The following CTIF variants were observed in gnomAD, a reference collection of about 807,000 sequenced individuals.
CTIF encodes the protein CBP80/20-dependent translation initiation factor.
A neutral mutation model predicts 66.0 loss-of-function variants in CTIF; 21 were observed. The ratio of observed to expected loss-of-function variants is 0.32; its 90% CI spans 0.23 to 0.46. The LOEUF (loss-of-function observed/expected upper bound fraction) is 0.46, where lower values mean the gene tolerates loss of function less well. Among genes scored for constraint, CTIF ranks in the 20% least tolerant of loss-of-function variants. The probability of loss-of-function intolerance (pLI) is 1.00; values close to 1 mark genes in which losing one functional copy is unlikely to be tolerated. For missense variants in CTIF, 739 were observed against 812.7 expected, an observed-to-expected ratio of 0.91 and a Z score of 1.10; for synonymous variants, 345 against 326.4, an observed-to-expected ratio of 1.06 and a Z score of -0.62.
chr18:48,563,625 C>A (rs2089213360), intron 1 of CTIF, among the ~76,000 whole-genome samples: 1 of 152,240 alleles, frequency 6.6e-6, no homozygotes, highest in Admixed American at 6.5e-5. Flanking sequence ...GTGCACACCA[C>A]CACACCTGGC....
intron 1 of CTIF, among the ~76,000 whole-genome samples, chr18:48,558,631 G>T (rs1418288588): frequency 6.6e-6 from 1 of 152,164 alleles, no homozygotes; most frequent in African/African-American, 2.4e-5. Flanking sequence ...TTTTTGTAAA[G>T]AATCCTTTTT....
At chr18:48,541,479 C>T (rs2088619400) in intron 1 of CTIF, among the ~76,000 whole-genome samples, 1 of 152,246 alleles carries the variant, frequency 6.6e-6, no homozygotes, top group Non-Finnish European at 1.5e-5. Context: ...CTGCCCAGGG[C>T]CCGATCTGGG....
At chr18:48,751,951 TCA>T (rs1907861219) in intron 7 of CTIF, among the ~76,000 whole-genome samples, 1 of 73,208 alleles carries the variant, frequency 1.4e-5, no homozygotes, top group Non-Finnish European at 2.7e-5. Context: ...TATTATTCAT[TCA>T]TTCATTCATT....
intron 6 of CTIF, among the ~76,000 whole-genome samples, chr18:48,690,152 C>G (rs1302119614): frequency 6.6e-6 from 1 of 152,132 alleles, no homozygotes; most frequent in East Asian, 1.9e-4. Context: ...CTCTCTCCCC[C>G]ATCTCCACCC....
intron 9 of CTIF, among the ~76,000 whole-genome samples, chr18:48,807,581 T>TG (rs2068174823): frequency 3.4e-5 from 1 of 29,220 alleles, no homozygotes; most frequent in South Asian, 1.0e-3. Flanking sequence ...TGTTGTTGTG[T>TG]TTTTTTTTTT....
intron 10 of CTIF, among the ~76,000 whole-genome samples, chr18:48,828,382 C>A (rs1407689192): frequency 2.0e-5 from 3 of 152,146 alleles, no homozygotes; most frequent in African/African-American, 7.2e-5. Context: ...ATTAACTAGC[C>A]TTATGAAGGG....
intron 3 of CTIF, among the ~76,000 whole-genome samples, chr18:48,650,428 A>C (rs1278871617): frequency 6.6e-6 from 1 of 152,214 alleles, no homozygotes; most frequent in Admixed American, 6.5e-5. Flanking sequence ...AAGTTTAGAG[A>C]AAAAAGAATA....
chr18:48,592,457 A>G (rs1015971903), intron 1 of CTIF, among the ~76,000 whole-genome samples: 6 of 150,888 alleles, frequency 4.0e-5, no homozygotes, highest in African/African-American at 1.5e-4. Flanking sequence ...AGATTGCGCC[A>G]TTGAACTCCA....
chr18:48,587,144 T>C (rs1599191907), intron 1 of CTIF, among the ~76,000 whole-genome samples: 1 of 151,212 alleles, frequency 6.6e-6, no homozygotes, highest in East Asian at 1.9e-4. Flanking sequence ...TGCCGTGGCA[T>C]GATCTCAGCT....
rs2069470027 is a variant in CTIF, at chr18:48,861,588, C to G, written c.*2029C>G. 1 of 152,222 alleles carries G rather than the reference C, an allele frequency of 6.6e-6. No homozygotes were observed. The highest frequency in any genetic ancestry group is 1.5e-5 in the Non-Finnish European group (1 of 68,190). 9.4% of individuals were successfully genotyped at this position (152,222 alleles called of 1,614,324 possible). A position where few individuals can be genotyped will look rare whatever the true frequency, so the allele number is the denominator to read the frequency against. On this transcript the variant is annotated 3_prime_UTR_variant, in exon 12 of 12. Transcript: ENST00000256413. The stretch of plus-strand genomic sequence containing the variant: ...CCCTGAAGCATGTGGGGTTTGTCCG[C>G]TAGGAGGAGGCAAGGCCCCCGAAGA...
At chr18:48,859,051 G>C (rs1044787948) in intron 11 of CTIF, among the ~76,000 whole-genome samples, 3 of 152,152 alleles carry the variant, frequency 2.0e-5, no homozygotes, top group Non-Finnish European at 4.4e-5. Flanking sequence ...GAGGCTCTTG[G>C]GTAAAAGGGA....
intron 9 of CTIF, among the ~76,000 whole-genome samples, chr18:48,801,204 C>G (rs1447556831): frequency 6.6e-6 from 1 of 152,190 alleles, no homozygotes; most frequent in Non-Finnish European, 1.5e-5. Context: ...TCAGACAGAG[C>G]CCGGTGCAAA....
At chr18:48,763,447 C>T (rs890765464) in intron 9 of CTIF, among the ~76,000 whole-genome samples, 52 of 152,248 alleles carry the variant, frequency 3.4e-4, no homozygotes, top group Non-Finnish European at 7.3e-5. Flanking sequence ...CCTGCACTCA[C>T]CTCTCAATCA....
In CTIF at chr18:48,859,588, G is replaced by A. The variant is rs142559064; in HGVS notation, c.*29G>A. Reference sequence around the variant, plus strand: ...CCAGGGGGCCTGGCAGGCGGCCCACGGGCAGCTGGGGCCCTGGTGCACAGG... The same window carrying A: ...CCAGGGGGCCTGGCAGGCGGCCCACAGGCAGCTGGGGCCCTGGTGCACAGG... On this transcript the variant is annotated 3_prime_UTR_variant, in exon 12 of 12. Coordinates refer to ENST00000256413, the MANE Select transcript of CTIF (RefSeq NM_014772.3). 12,160 of 1,601,930 alleles carry A rather than the reference G, an allele frequency of 7.6e-3. 75 individuals are homozygous for A. Among genetic ancestry groups the A allele is most frequent in the Middle Eastern group, 9.5e-3 (57 of 6,028 alleles).
intron 9 of CTIF, among the ~76,000 whole-genome samples, chr18:48,766,692 A>G (rs1235868600): frequency 6.6e-6 from 1 of 152,216 alleles, no homozygotes; most frequent in East Asian, 1.9e-4. Flanking sequence ...GAACCAGTCA[A>G]GAAATACCTG....
chr18:48,788,766 G>A (rs2067730829), intron 9 of CTIF, among the ~76,000 whole-genome samples: 1 of 152,148 alleles, frequency 6.6e-6, no homozygotes, highest in Non-Finnish European at 1.5e-5. Flanking sequence ...CCCTTGGGGA[G>A]GTCACTACAG....
intron 1 of CTIF, among the ~76,000 whole-genome samples, chr18:48,572,170 C>T (rs1233146727): frequency 6.6e-6 from 1 of 151,996 alleles, no homozygotes; most frequent in Admixed American, 6.6e-5. Context: ...CTTGAAACCT[C>T]AGTCTTTGCT....
intron 3 of CTIF, among the ~76,000 whole-genome samples, chr18:48,642,171 G>A (rs889269832): frequency 3.3e-4 from 51 of 152,320 alleles, no homozygotes; most frequent in African/African-American, 1.1e-3. Flanking sequence ...CCCAGCAGAT[G>A]CGTCTGAGTG....
chr18:48,679,841 T>G (rs1363006384), intron 6 of CTIF, among the ~76,000 whole-genome samples: 2 of 152,168 alleles, frequency 1.3e-5, no homozygotes, highest in African/African-American at 4.8e-5. Context: ...GAGGTAGACC[T>G]GGAACTGGGC....
Sources: gnomAD v4.1 joint callset for allele counts (sites outside exome capture counted in the v4.1 genomes callset) on GRCh38, gnomAD v4.1.1 for gene constraint, MANE v1.5 for transcripts, NCBI Gene and HGNC (gene_info 2026-07-23, HGNC 2026-07-21) for gene names.